The following RIMS2 variants were observed in gnomAD, a reference collection of about 807,000 sequenced individuals.
RIMS2 encodes the protein regulating synaptic membrane exocytosis protein 2.
In RIMS2, 59 loss-of-function variants were observed where a neutral mutation model predicts 174.4. The observed-to-expected ratio is 0.34, with a 90% CI of 0.27 to 0.42. The LOEUF (loss-of-function observed/expected upper bound fraction) is 0.42, where lower values mean the gene tolerates loss of function less well. Ranked by LOEUF, RIMS2 falls within the 10% of genes least tolerant of loss-of-function variation. The probability of loss-of-function intolerance (pLI) is 1.00; values close to 1 mark genes in which losing one functional copy is unlikely to be tolerated. For synonymous variants in RIMS2, 606 were observed against 572.5 expected (o/e 1.06, Z -0.84); for missense variants, 1,620 against 1,666.3 (o/e 0.97, Z 0.48).
intron 2 of RIMS2, among the ~76,000 whole-genome samples, chr8:103,701,290 TG>T (rs1226482258): frequency 2.0e-5 from 3 of 152,148 alleles, no homozygotes; most frequent in Admixed American, 1.3e-4. Context: ...TAAAAATTTA[TG>T]GATACATAAT....
chr8:104,157,150 T>C (rs2098729654), intron 19 of RIMS2, among the ~76,000 whole-genome samples: 1 of 152,204 alleles, frequency 6.6e-6, no homozygotes, highest in Admixed American at 6.5e-5. Flanking sequence ...CTGTATGTTA[T>C]TTACTACAAG....
intron 19 of RIMS2, among the ~76,000 whole-genome samples, chr8:104,097,395 CAT>C (rs1242309986): frequency 1.2e-4 from 18 of 152,264 alleles, no homozygotes; most frequent in African/African-American, 4.1e-4. Flanking sequence ...CTCAGTCACT[CAT>C]GTGCACAGTC....
chr8:104,091,862 G>A (rs2097665635), intron 19 of RIMS2, among the ~76,000 whole-genome samples: 2 of 151,510 alleles, frequency 1.3e-5, no homozygotes, highest in Non-Finnish European at 3.0e-5. Flanking sequence ...TAAACCCTAT[G>A]GTTCTATTTA....
chr8:104,249,645 G>A, intron 22 of RIMS2, 57 bp downstream of exon 28: 1 of 993,560 alleles, frequency 1.0e-6, no homozygotes, highest in Non-Finnish European at 1.6e-6. Flanking sequence ...TTTCAATTTA[G>A]AGACCTTTTG....
chr8:104,215,358 T>C (rs1164738981), intron 19 of RIMS2, among the ~76,000 whole-genome samples: 1 of 152,258 alleles, frequency 6.6e-6, no homozygotes, highest in Non-Finnish European at 1.5e-5. Context: ...GTTAAGGTAC[T>C]TTTTTATTTT....
At chr8:103,614,109 C>G (rs2095450145) in intron 1 of RIMS2, among the ~76,000 whole-genome samples, 1 of 152,220 alleles carries the variant, frequency 6.6e-6, no homozygotes, top group Non-Finnish European at 1.5e-5. Context: ...TAGAAGTTGC[C>G]TAGGAATTGC....
intron 1 of RIMS2, among the ~76,000 whole-genome samples, chr8:103,530,613 T>C (rs1367200062): frequency 6.6e-6 from 1 of 152,178 alleles, no homozygotes; most frequent in Non-Finnish European, 1.5e-5. Flanking sequence ...CTGGTGAAGC[T>C]ATATTAATAT....
At chr8:104,229,188 A>G (rs2139106475) in intron 19 of RIMS2, among the ~76,000 whole-genome samples, 1 of 152,352 alleles carries the variant, frequency 6.6e-6, no homozygotes, top group African/African-American at 2.4e-5. Context: ...GAAACTCACT[A>G]GAAAGTTATA....
At chr8:103,965,122 A>G (rs907887269) in intron 15 of RIMS2, among the ~76,000 whole-genome samples, 7 of 152,096 alleles carry the variant, frequency 4.6e-5, no homozygotes, top group Non-Finnish European at 8.8e-5. Flanking sequence ...CTCCTTCAAT[A>G]CTGTGTTGAA....
At chr8:103,896,421 ATATCTGTTGTTAT>A (rs1436926074) in intron 4 of RIMS2, among the ~76,000 whole-genome samples, 1 of 151,606 alleles carries the variant, frequency 6.6e-6, no homozygotes, top group Non-Finnish European at 1.5e-5. Flanking sequence ...AAGGTAACAT[ATATCTGTTGTTAT>A]TATCTGAAGC....
intron 2 of RIMS2, among the ~76,000 whole-genome samples, chr8:103,733,872 A>G (rs185722523): frequency 6.6e-6 from 1 of 152,222 alleles, no homozygotes; most frequent in East Asian, 1.9e-4. Context: ...TGTTTAAACC[A>G]GATACTGTGA....
chr8:103,657,932 CTGTATTTAAA>C (rs2096550922), intron 1 of RIMS2, among the ~76,000 whole-genome samples: 2 of 152,140 alleles, frequency 1.3e-5, no homozygotes, highest in Non-Finnish European at 2.9e-5. Context: ...GGCAGCTTGG[CTGTATTTAAA>C]ATCTAGACCC....
chr8:103,515,673 GAAATA>G (rs1828642217), intron 1 of RIMS2, among the ~76,000 whole-genome samples: 1 of 151,978 alleles, frequency 6.6e-6, no homozygotes, highest in Admixed American at 6.6e-5. Context: ...AAGAGCTCTG[GAAATA>G]AAATATTACT....
At chr8:103,727,205 A>G (rs767291341) in intron 2 of RIMS2, among the ~76,000 whole-genome samples, 25 of 152,116 alleles carry the variant, frequency 1.6e-4, no homozygotes, top group Admixed American at 6.5e-5. Flanking sequence ...GAATTTTAAT[A>G]ATATGCAACC....
At chr8:103,914,997 G>A (rs990296972) in intron 6 of RIMS2, among the ~76,000 whole-genome samples, 10 of 151,790 alleles carry the variant, frequency 6.6e-5, no homozygotes, top group African/African-American at 1.5e-4. Context: ...ATGCGATTAC[G>A]TAAATTTTGT....
At chr8:104,232,072 T>G (rs2099233144) in intron 19 of RIMS2, among the ~76,000 whole-genome samples, 1 of 152,240 alleles carries the variant, frequency 6.6e-6, no homozygotes, top group Non-Finnish European at 1.5e-5. Context: ...TCTTACCTAC[T>G]AAATTTAAAA....
chr8:104,189,849 A>G (rs962877896), intron 19 of RIMS2, among the ~76,000 whole-genome samples: 2 of 151,920 alleles, frequency 1.3e-5, no homozygotes, highest in African/African-American at 4.8e-5. Flanking sequence ...TGCTTCAGAG[A>G]TCAAAATAGA....
chr8:103,990,600 CTA>C (rs1234611191), intron 17 of RIMS2, among the ~76,000 whole-genome samples: 1 of 151,928 alleles, frequency 6.6e-6, no homozygotes, highest in Non-Finnish European at 1.5e-5. Context: ...AGAAGGGTAA[CTA>C]TGTTGGCATG....
At chr8:104,058,758 A>G (rs1046073847) in intron 19 of RIMS2, among the ~76,000 whole-genome samples, 2 of 152,172 alleles carry the variant, frequency 1.3e-5, no homozygotes, top group African/African-American at 4.8e-5. Flanking sequence ...AGGCGTAAGG[A>G]AGGGATCCAG....
Sources: gnomAD v4.1 joint callset for allele counts (sites outside exome capture counted in the v4.1 genomes callset) on GRCh38, gnomAD v4.1.1 for gene constraint, MANE v1.5 for transcripts, NCBI Gene and HGNC (gene_info 2026-07-23, HGNC 2026-07-21) for gene names.